SMURF1: variants seen among roughly 807,000 people sequenced by gnomAD.
The protein encoded by SMURF1 is E3 ubiquitin-protein ligase SMURF1.
Under a neutral mutation model 98.0 loss-of-function variants are expected in SMURF1, and 44 were observed. That is an observed-to-expected ratio of 0.45 (90% CI 0.35 to 0.58). The LOEUF is 0.58. SMURF1 is among the 20% of genes least tolerant of loss of function. The pLI is 0.00. For synonymous variants in SMURF1, 396 were observed against 374.9 expected (o/e 1.06, Z -0.65); for missense variants, 687 against 938.4 (o/e 0.73, Z 3.50).
rs1458368139 is a variant in SMURF1, at chr7:99,052,241, G to C, written c.685C>G (p.His229Asp). ...GGCAGTTCCGGGGACTGGTGGCCGT[G>C]TGGTCGGTTCTGGGGCGTCTGTAGT... The part of the protein sequence containing the change: ...GSLQTPQNRP[H>D]GHQSPELPEG... Residue 229 changes from histidine to aspartate, a missense_variant, in exon 7 of 18, where the codon CAC (histidine) becomes GAC (aspartate). By Grantham distance (81) the His-to-Asp change is moderately conservative. Coordinates refer to ENST00000361368, the MANE Select transcript of SMURF1 (RefSeq NM_181349.3). The C allele has an allele frequency of 2.5e-6, 4 of 1,592,456 alleles. No homozygotes were observed. The African/African-American group carries it at 5.4e-5, about 21-fold the overall frequency.
At chr7:99,098,396 TGACTC>T (rs1797000592) in intron 1 of SMURF1, among the ~76,000 whole-genome samples, 1 of 151,988 alleles carries the variant, frequency 6.6e-6, no homozygotes, top group Non-Finnish European at 1.5e-5. Context: ...GGAAAAAAAA[TGACTC>T]TAATCAAAGA....
At chr7:99,125,764 C>T (rs1046373452) in intron 1 of SMURF1, among the ~76,000 whole-genome samples, 7 of 152,244 alleles carry the variant, frequency 4.6e-5, no homozygotes, top group Non-Finnish European at 1.0e-4. Flanking sequence ...GGATCCCATG[C>T]TATCCTCAGG....
chr7:99,055,516 T>G lies in SMURF1; in HGVS notation c.404-651A>C, dbSNP rs368714353. Among the ~76,000 whole-genome samples, 50 of 151,810 alleles carry G rather than the reference T, an allele frequency of 3.3e-4. No individual in the cohort carries two copies. The East Asian group carries it at 3.7e-3, about 11-fold the overall frequency. On this transcript the variant is annotated intron_variant, in intron 5 of 17. Transcript: ENST00000361368. ...AAATAATAAAAATAAGAAGTTTTTT[T>G]GGGGGGGATTAAGTCTCACTGTGTT...
At chr7:99,079,844 G>C (rs1796543831) in intron 1 of SMURF1, among the ~76,000 whole-genome samples, 1 of 151,986 alleles carries the variant, frequency 6.6e-6, no homozygotes, top group Non-Finnish European at 1.5e-5. Flanking sequence ...TAGAAACCCA[G>C]AAAGACTGAA....
chr7:99,124,001 C>T (rs920729646), intron 1 of SMURF1, among the ~76,000 whole-genome samples: 3 of 152,144 alleles, frequency 2.0e-5, no homozygotes, highest in African/African-American at 4.8e-5. Flanking sequence ...AGATGAAGCA[C>T]ATGATTTGGC....
intron 1 of SMURF1, among the ~76,000 whole-genome samples, chr7:99,069,657 C>T (rs1584475405): frequency 6.6e-6 from 1 of 152,294 alleles, no homozygotes; most frequent in South Asian, 2.1e-4. Flanking sequence ...ACCAGAGCCA[C>T]TGATCTGTCA....
At chr7:99,083,815 T>C (rs1796620812) in intron 1 of SMURF1, among the ~76,000 whole-genome samples, 1 of 152,326 alleles carries the variant, frequency 6.6e-6, no homozygotes, top group East Asian at 1.9e-4. Context: ...GACCAGGACA[T>C]GGAAATGTTT....
intron 15 of SMURF1, 38 bp downstream of exon 15, chr7:99,037,017 ACGCCAGCCACAG>A: frequency 6.2e-7 from 1 of 1,611,704 alleles, no homozygotes; most frequent in East Asian, 2.2e-5. Context: ...AAACAGGCAG[ACGCCAGCCACAG>A]GGACGCCCTG....
At chr7:99,069,583 C>T (rs1796274422) in intron 1 of SMURF1, among the ~76,000 whole-genome samples, 1 of 152,148 alleles carries the variant, frequency 6.6e-6, no homozygotes, top group Non-Finnish European at 1.5e-5. Flanking sequence ...TGGTATCAAA[C>T]TGAGCTTAAG....
chr7:99,044,313 A>G (rs1795500657), intron 11 of SMURF1, among the ~76,000 whole-genome samples: 3 of 151,680 alleles, frequency 2.0e-5, no homozygotes, highest in Admixed American at 6.6e-5. Flanking sequence ...TGCTGTCTCC[A>G]GAAAAAAAAG....
chr7:99,128,992 T>G (rs184641649), intron 1 of SMURF1, among the ~76,000 whole-genome samples: 110 of 152,260 alleles, frequency 7.2e-4, no homozygotes, highest in African/African-American at 2.6e-3. Flanking sequence ...AATGTTAAGT[T>G]TAGAACAAAA....
intron 1 of SMURF1, among the ~76,000 whole-genome samples, chr7:99,108,248 C>T (rs1013063424): frequency 1.3e-5 from 2 of 151,802 alleles, no homozygotes; most frequent in Admixed American, 6.6e-5. Flanking sequence ...TACGGAGTCT[C>T]GCTCTGTCGC....
intron 1 of SMURF1, among the ~76,000 whole-genome samples, chr7:99,106,492 T>C (rs994586647): frequency 1.3e-5 from 2 of 152,182 alleles, no homozygotes; most frequent in Non-Finnish European, 2.9e-5. Flanking sequence ...TTTAAAATAT[T>C]TGGTAAATAC....
chr7:99,103,453 C>T (rs1365976051), intron 1 of SMURF1, among the ~76,000 whole-genome samples: 1 of 152,148 alleles, frequency 6.6e-6, no homozygotes, highest in Non-Finnish European at 1.5e-5. Flanking sequence ...ATGTACTCCC[C>T]TTATGTGACG....
chr7:99,042,960 CAAAAG>C (rs1172294207), intron 11 of SMURF1, among the ~76,000 whole-genome samples: 1 of 152,158 alleles, frequency 6.6e-6, no homozygotes, highest in African/African-American at 2.4e-5. Context: ...TCATTGTACT[CAAAAG>C]AACAGAAAGG....
At chr7:99,063,424 C>T (rs1796114300) in intron 1 of SMURF1, among the ~76,000 whole-genome samples, 3 of 149,330 alleles carry the variant, frequency 2.0e-5, no homozygotes, top group African/African-American at 7.4e-5. Context: ...TCTCGAGTTG[C>T]TGGGACTACA....
Position 99,047,885 on chromosome 7 carries a change from TGAG to T in SMURF1, c.954-6_954-4del, listed in dbSNP as rs1209131237. 2 of 1,613,256 alleles carry T rather than the reference TGAG, an allele frequency of 1.2e-6. No individual in the cohort carries two copies. Among genetic ancestry groups the T allele is most frequent in the East Asian group, 2.2e-5 (1 of 44,876 alleles). On this transcript the variant is annotated splice_region_variant and splice_polypyrimidine_tract_variant and intron_variant, in intron 9 of 17. Coordinates refer to ENST00000361368, the MANE Select transcript of SMURF1 (RefSeq NM_181349.3). ...GCTCCTTGAGTTGGCACTGGTGACT[TGAG>T]AAGAAGAGATGCAGAAAGTCACTCC...
At chr7:99,100,387 T>C (rs1314245113) in intron 1 of SMURF1, among the ~76,000 whole-genome samples, 3 of 152,148 alleles carry the variant, frequency 2.0e-5, no homozygotes, top group African/African-American at 7.2e-5. Flanking sequence ...AAACCCCGTC[T>C]CTATTAAAAA....
In SMURF1 at chr7:99,040,363, T is replaced by C; in HGVS notation, c.1550+15A>G. On this transcript the variant is annotated intron_variant, in intron 13 of 17. Transcript: ENST00000361368. Reference sequence around the variant, plus strand: ...GGGCCCTAAGCCAGGTGACCGGCCGTCAGTCAATACTTACAGGATCCACAC... The same window carrying C: ...GGGCCCTAAGCCAGGTGACCGGCCGCCAGTCAATACTTACAGGATCCACAC... The C allele has an allele frequency of 6.8e-7, 1 of 1,469,758 alleles. No individual in the cohort carries two copies. Among genetic ancestry groups the C allele is most frequent in the Non-Finnish European group, 9.0e-7 (1 of 1,104,988 alleles). 91.0% of individuals were successfully genotyped at this position (1,469,758 alleles called of 1,614,324 possible).
Sources: gnomAD v4.1 joint callset for allele counts (sites outside exome capture counted in the v4.1 genomes callset) on GRCh38, gnomAD v4.1.1 for gene constraint, MANE v1.5 for transcripts, NCBI Gene and HGNC (gene_info 2026-07-23, HGNC 2026-07-21) for gene names.